Variants in RNLS observed in about 807,000 individuals in gnomAD.
The protein encoded by RNLS is renalase, FAD dependent amine oxidase.
In RNLS, 39 loss-of-function variants were observed where a neutral mutation model predicts 39.8. That is an observed-to-expected ratio of 0.98 (90% CI 0.76 to 1.28). The LOEUF (loss-of-function observed/expected upper bound fraction) is 1.28. Ranked by LOEUF, RNLS falls within the 50% of genes most tolerant of loss-of-function variation. The pLI is 0.00. For synonymous variants in RNLS, 147 were observed against 150.7 expected (o/e 0.98, Z 0.18); for missense variants, 410 against 413.3 (o/e 0.99, Z 0.07).
chr10:88,435,307 C>T (rs1479115124), intron 4 of RNLS, among the ~76,000 whole-genome samples: 1 of 151,900 alleles, frequency 6.6e-6, no homozygotes, highest in Non-Finnish European at 1.5e-5. Context: ...CTGCAATGAG[C>T]ATACTTATTT....
the RNLS span, among the ~76,000 whole-genome samples, chr10:88,257,257 G>A: frequency 6.6e-6 from 1 of 152,194 alleles, no homozygotes; most frequent in Non-Finnish European, 1.5e-5. Context: ...GATGTGATGT[G>A]AGTGTAAGTT....
At chr10:88,236,695 T>G in the RNLS span, among the ~76,000 whole-genome samples, 136 of 152,338 alleles carry the variant, frequency 8.9e-4, 1 homozygote, top group Admixed American at 8.9e-3. Context: ...ATTCATTTAT[T>G]GAACAAATAG....
rs1267540383 is a variant in RNLS at position 88,392,797 on chromosome 10, A to G, written c.527-30072T>C. ...CACACATGCAGTACAAAAGCAGTCA[A>G]TATAAACTGTCTCTCAGGCACATCA... is the stretch of plus-strand genomic sequence containing the variant. On this transcript the variant is annotated intron_variant, in intron 4 of 6. Coordinates refer to ENST00000331772, the MANE Select transcript of RNLS (RefSeq NM_001031709.3). Among the ~76,000 whole-genome samples the G allele has an allele frequency of 2.6e-5, 4 of 152,198 alleles. No homozygotes were observed. The East Asian group carries it at 7.7e-4, about 29-fold the overall frequency.
At chr10:88,306,273 G>A (rs1203345236) in intron 6 of RNLS, among the ~76,000 whole-genome samples, 1 of 151,944 alleles carries the variant, frequency 6.6e-6, no homozygotes, top group Non-Finnish European at 1.5e-5. Flanking sequence ...AATAATTACA[G>A]AACCAAGAGC....
the RNLS span, among the ~76,000 whole-genome samples, chr10:88,257,710 C>G: frequency 6.6e-6 from 1 of 152,114 alleles, no homozygotes. Flanking sequence ...GAGAAAATCT[C>G]AGGTGGATTC....
At chr10:88,508,979 T>A (rs1425618770) in intron 4 of RNLS, among the ~76,000 whole-genome samples, 1 of 152,064 alleles carries the variant, frequency 6.6e-6, no homozygotes, top group Non-Finnish European at 1.5e-5. Flanking sequence ...GAATGACTAC[T>A]TTTTCTTTGG....
At chr10:88,287,880 T>A (rs1380768826) in intron 6 of RNLS, among the ~76,000 whole-genome samples, 1 of 151,950 alleles carries the variant, frequency 6.6e-6, no homozygotes, top group Non-Finnish European at 1.5e-5. Context: ...ATGGGAATTA[T>A]GGGGATTACA....
chr10:88,217,842 C>A, the RNLS span, among the ~76,000 whole-genome samples: 1 of 150,822 alleles, frequency 6.6e-6, no homozygotes, highest in Non-Finnish European at 1.5e-5. Context: ...GAGTTTGAGA[C>A]TAGCCTGGCC....
chr10:88,213,015 C>CT, the RNLS span, among the ~76,000 whole-genome samples: 1 of 152,162 alleles, frequency 6.6e-6, no homozygotes, highest in Non-Finnish European at 1.5e-5. Context: ...AAAATTTTGG[C>CT]TTTTGCCACT....
intron 6 of RNLS, among the ~76,000 whole-genome samples, chr10:88,287,453 A>ATT (rs1348144336): frequency 6.6e-6 from 1 of 152,148 alleles, no homozygotes; most frequent in East Asian, 1.9e-4. Flanking sequence ...ATCAAGTTGG[A>ATT]TTATTTAATT....
intron 6 of RNLS, among the ~76,000 whole-genome samples, chr10:88,291,011 A>G (rs1387219270): frequency 2.6e-5 from 4 of 152,156 alleles, no homozygotes; most frequent in African/African-American, 9.7e-5. Flanking sequence ...ACAGCTGCCC[A>G]CTCCAAGAGC....
intron 5 of RNLS, among the ~76,000 whole-genome samples, chr10:88,315,801 A>T (rs1198468878): frequency 6.6e-6 from 1 of 150,892 alleles, no homozygotes; most frequent in Non-Finnish European, 1.5e-5. Context: ...AATGAGAATA[A>T]GTTAGTAGCC....
intron 5 of RNLS, among the ~76,000 whole-genome samples, chr10:88,339,191 G>A (rs1564707996): frequency 2.0e-5 from 3 of 152,208 alleles, no homozygotes; most frequent in Admixed American, 2.0e-4. Context: ...TGGGAAATAT[G>A]TGAGGGGAGC....
At chr10:88,238,899 A>G in the RNLS span, among the ~76,000 whole-genome samples, 1 of 152,172 alleles carries the variant, frequency 6.6e-6, no homozygotes, top group South Asian at 2.1e-4. Flanking sequence ...AACCTAATAC[A>G]CAGTTGAAGG....
intron 4 of RNLS, among the ~76,000 whole-genome samples, chr10:88,557,183 A>G (rs1848919141): frequency 1.3e-5 from 2 of 152,210 alleles, no homozygotes; most frequent in South Asian, 4.1e-4. Context: ...AAATTATAAG[A>G]TGCAAAAAGT....
At chr10:88,290,730 C>G (rs1359865335) in intron 6 of RNLS, among the ~76,000 whole-genome samples, 2 of 152,210 alleles carry the variant, frequency 1.3e-5, no homozygotes, top group African/African-American at 4.8e-5. Flanking sequence ...CTCTTTAACT[C>G]AGACATGCTG....
At chr10:88,243,120 A>G in the RNLS span, among the ~76,000 whole-genome samples, 1 of 152,200 alleles carries the variant, frequency 6.6e-6, no homozygotes, top group African/African-American at 2.4e-5. Flanking sequence ...ATTAAATCAT[A>G]TAATGTGTGG....
At chr10:88,277,698 T>C (rs1842863584) in intron 6 of RNLS, among the ~76,000 whole-genome samples, 1 of 152,196 alleles carries the variant, frequency 6.6e-6, no homozygotes, top group South Asian at 2.1e-4. Flanking sequence ...CTTTGCCTTC[T>C]GTTTCCCAAC....
chr10:88,556,015 T>A (rs751290685), intron 4 of RNLS, among the ~76,000 whole-genome samples: 2 of 152,176 alleles, frequency 1.3e-5, no homozygotes, highest in Non-Finnish European at 2.9e-5. Flanking sequence ...TTCAACTGCA[T>A]AAGTATTCCC....
Sources: gnomAD v4.1 joint callset for allele counts (sites outside exome capture counted in the v4.1 genomes callset) on GRCh38, gnomAD v4.1.1 for gene constraint, MANE v1.5 for transcripts, NCBI Gene and HGNC (gene_info 2026-07-23, HGNC 2026-07-21) for gene names.